The following PPFIA4 variants were observed in gnomAD, a reference collection of about 807,000 sequenced individuals.
PPFIA4 encodes the protein liprin-alpha-4.
A neutral mutation model predicts 145.7 loss-of-function variants in PPFIA4; 98 were observed. The observed-to-expected ratio is 0.67, with a 90% CI of 0.57 to 0.80. PPFIA4 has a LOEUF of 0.80. PPFIA4 is among the 30% of genes least tolerant of loss of function. The pLI is 0.00. For synonymous variants in PPFIA4, 628 were observed against 649.6 expected, an observed-to-expected ratio of 0.97 and a Z score of 0.51; for missense variants, 1,457 against 1,632.7, an observed-to-expected ratio of 0.89 and a Z score of 1.85.
Position 203,051,793 on chromosome 1 carries a change from C to T in PPFIA4, c.1536C>T (p.Asp512=), listed in dbSNP as rs575104032. The T allele has an allele frequency of 3.3e-5, 53 of 1,613,490 alleles. No homozygotes were observed. The highest frequency in any genetic ancestry group is 1.8e-4 in the South Asian group (16 of 90,880). The part of the protein sequence containing the change: ...HSRSHMGSAA[D]VRFSLGTTTH... ...GGTCGCACATGGGCAGTGCAGCAGA[C>T]GTGCGGTTCTCCCTGGGCACAACCA... Residue 512 remains aspartate (D), a synonymous_variant, in exon 14 of 30, where the codon GAC becomes GAT. Coordinates refer to ENST00000295706, the MANE Select transcript of PPFIA4 (RefSeq NM_001304331.2).
intron 13 of PPFIA4, among the ~76,000 whole-genome samples, chr1:203,050,928 A>C (rs771977560): frequency 6.6e-6 from 1 of 151,732 alleles, no homozygotes; most frequent in Admixed American, 6.6e-5. Context: ...CGACTATAGA[A>C]TCATTGGATT....
intron 1 of PPFIA4, chr1:203,034,930 C>T (rs879844849): frequency 1.7e-5 from 6 of 345,404 alleles, no homozygotes; most frequent in Admixed American, 4.0e-5. Flanking sequence ...GGTTACATGA[C>T]GTTGCATCTC....
At position 203,075,731 on chromosome 1, in the gene PPFIA4, C is replaced by T. The variant is rs775042522; in HGVS notation, c.3548C>T (p.Ala1183Val). 1 of 1,383,072 alleles carries T rather than the reference C, an allele frequency of 7.2e-7. No individual in the cohort carries two copies. The highest frequency in any genetic ancestry group is 9.4e-7 in the Non-Finnish European group (1 of 1,062,004). 85.7% of individuals were successfully genotyped at this position (1,383,072 alleles called of 1,614,324 possible). Residue 1183 changes from alanine (A) to valine (V), a missense_variant, in exon 29 of 30, where the codon GCC becomes GTC. Physicochemically the swap from Ala to Val is moderately conservative, Grantham distance 64. This residue lies in a region of PPFIA4 where 146 missense variants were observed against 126.2 expected (regional missense o/e 1.16). Coordinates refer to ENST00000295706, the MANE Select transcript of PPFIA4 (RefSeq NM_001304331.2). The surrounding 1 kb of genome is among the most constrained non-coding windows in gnomAD (Gnocchi z 4.1). ...CTGGGGACCCTGCAGCCCCCACCGG[C>T]CCCGCCAAAGAAGATCATGCCTGAA... ...STLGTLQPPPAPPKKIMPEAH... is the reference protein window; with the variant it reads ...STLGTLQPPPVPPKKIMPEAH...
In PPFIA4 at chr1:203,048,903, G is replaced by C. The variant is rs1227903487; in HGVS notation, c.1357-15G>C. ...GAGGAAGGCAGGGGCCTGGCTCACA[G>C]CTGCTCTCCCCCAGAACACGTTGAT... On this transcript the variant is annotated splice_polypyrimidine_tract_variant and intron_variant, in intron 11 of 29. Transcript: ENST00000295706. The surrounding 1 kb of genome is among the most constrained non-coding windows in gnomAD (Gnocchi z 5.8). 1 of 1,548,176 alleles carries C rather than the reference G, an allele frequency of 6.5e-7. No individual in the cohort carries two copies. The highest frequency in any genetic ancestry group is 2.0e-5 in the Admixed American group (1 of 50,954).
intron 1 of PPFIA4, chr1:203,035,311 G>T (rs1159562248): frequency 2.2e-6 from 1 of 456,588 alleles, no homozygotes; most frequent in Non-Finnish European, 4.4e-6. Context: ...CCGTGGCCAG[G>T]CCTGCCATCT....
chr1:203,056,028 T>C (rs1386175710), intron 16 of PPFIA4, 92 bp from the exon 17 acceptor site: 15 of 1,316,946 alleles, frequency 1.1e-5, no homozygotes, highest in Admixed American at 8.3e-5. Flanking sequence ...CTGAATCCTA[T>C]CTTCTCATCC....
chr1:203,035,853 T>G (rs1571662482), intron 1 of PPFIA4, among the ~76,000 whole-genome samples: 1 of 6,568 alleles, frequency 1.5e-4, no homozygotes, highest in South Asian at 0.5. Flanking sequence ...CAGGGGCATC[T>G]TGCCTGGCAG....
intron 2 of PPFIA4, among the ~76,000 whole-genome samples, chr1:203,040,243 C>T (rs1420079799): frequency 6.6e-6 from 1 of 152,194 alleles, no homozygotes; most frequent in Non-Finnish European, 1.5e-5. Context: ...CTCTCTGCCC[C>T]TCGTATGAGC....
rs113337841 is a variant in PPFIA4 at position 203,056,186 on chromosome 1, C to T, written c.2106+31C>T. The T allele has an allele frequency of 7.8e-3, 12,538 of 1,613,610 alleles. 73 individuals carry two copies. Among genetic ancestry groups the T allele is most frequent in the Middle Eastern group, 0.022 (134 of 6,060 alleles). ...TGCTGCCTGATGGCCCAGGTACTAACGGGTTCACTGCTCCCATGCCCTTTC... is the reference window on the plus strand; with the variant it reads ...TGCTGCCTGATGGCCCAGGTACTAATGGGTTCACTGCTCCCATGCCCTTTC... On this transcript the variant is annotated intron_variant, in intron 17 of 29. Transcript: ENST00000295706.
rs1180408392 is a variant in PPFIA4, at chr1:203,048,745, A to C, written c.1356+31A>C. 1 of 963,004 alleles carries C rather than the reference A, an allele frequency of 1.0e-6. No individual in the cohort carries two copies. Among genetic ancestry groups the C allele is most frequent in the South Asian group, 1.7e-5 (1 of 60,330 alleles). The allele number at this position is 963,004 out of a possible 1,614,324, so 59.7% of individuals were successfully genotyped here. The stretch of plus-strand genomic sequence containing the variant: ...CAGAGGGGCGGGGTTGGGATGCGAG[A>C]GGTTAGTGCTGGGTGTGGGGCGGGG... On this transcript the variant is annotated intron_variant, in intron 11 of 29. Transcript: ENST00000295706. The surrounding 1 kb of genome is among the most constrained non-coding windows in gnomAD (Gnocchi z 5.8).
chr1:203,026,828 G>A (rs1658428422), intron 1 of PPFIA4, among the ~76,000 whole-genome samples, 199 bp downstream of exon 1: 1 of 152,212 alleles, frequency 6.6e-6, no homozygotes, highest in African/African-American at 2.4e-5. Flanking sequence ...TGTGCCCTTG[G>A]GGGTGAGGAT....
At position 203,063,874 on chromosome 1, in the gene PPFIA4, G is replaced by A; in HGVS notation, c.2921G>A (p.Trp974Ter). ...DMNHEWIGNE[W>*]LPSLGLPQYR... ...AACCATGAGTGGATTGGGAATGAAT[G>A]GCTACCCAGCCTGGGGCTCCCGCAG... The change falls in exon 25 of 30, where the codon TGG (tryptophan) becomes TAG (stop). Residue 974 changes from tryptophan (W) to a stop codon, truncating the protein, a stop_gained. Coordinates refer to ENST00000295706, the MANE Select transcript of PPFIA4 (RefSeq NM_001304331.2). LOFTEE classifies it high-confidence loss of function. The A allele has an allele frequency of 6.2e-7, 1 of 1,614,066 alleles. No homozygotes were observed. Among genetic ancestry groups the A allele is most frequent in the South Asian group, 1.1e-5 (1 of 91,082 alleles).
rs994916516 is a variant in PPFIA4 at position 203,044,393 on chromosome 1, C to T, written c.516C>T (p.Leu172=). ...KALDEKVRER[L]RAALERVTTL... ...ACCTCGAGCAGGTGCGAGAGCGGCT[C>T]CGGGCAGCGCTGGAGCGAGTCACCA... Residue 172 remains leucine (L), a synonymous_variant, in exon 5 of 30, where the codon CTC becomes CTT. Transcript: ENST00000295706. 1 of 1,552,046 alleles carries T rather than the reference C, an allele frequency of 6.4e-7. No individual in the cohort carries two copies. Among genetic ancestry groups the T allele is most frequent in the African/African-American group, 1.4e-5 (1 of 73,078 alleles).
chr1:203,076,005 G>T, intron 29 of PPFIA4: 1 of 546,294 alleles, frequency 1.8e-6, no homozygotes, highest in Non-Finnish European at 3.1e-6. Context: ...AGACCTCCAC[G>T]GTTCGGACCT....
In PPFIA4 at chr1:203,076,338, C is replaced by T. The variant is rs370367628; in HGVS notation, c.3575-3C>T. 11 of 1,604,928 alleles carry T rather than the reference C, an allele frequency of 6.9e-6. No homozygotes were observed. In the African/African-American group the frequency reaches 1.5e-4, roughly 21 times the overall value. On this transcript the variant is annotated splice_polypyrimidine_tract_variant and splice_region_variant and intron_variant, in intron 29 of 29. Coordinates refer to ENST00000295706, the MANE Select transcript of PPFIA4 (RefSeq NM_001304331.2). ...GCGATGCCTGTCTCTCTCTCTCCCT[C>T]AGCTCACTCCCACTATCTCTACGGA...
intron 1 of PPFIA4, among the ~76,000 whole-genome samples, chr1:203,030,047 A>T (rs1483167119): frequency 6.6e-6 from 1 of 152,210 alleles, no homozygotes; most frequent in East Asian, 1.9e-4. Flanking sequence ...ATGTGCCTTC[A>T]TGGCCACTGT....
chr1:203,034,553 G>C (rs1443030116), intron 1 of PPFIA4: 1 of 456,440 alleles, frequency 2.2e-6, no homozygotes, highest in Admixed American at 2.4e-5. Context: ...GGAGTGGGGG[G>C]CAGTGGGGGG....
rs764840526 is a variant in PPFIA4 at position 203,048,223 on chromosome 1, C to G, written c.1141-4C>G. On this transcript the variant is annotated splice_polypyrimidine_tract_variant and splice_region_variant and intron_variant, in intron 9 of 29. Transcript: ENST00000295706. This position sits in a 1 kb window ranked among gnomAD's most constrained non-coding sequence, Gnocchi z 5.8. Reference sequence around the variant, plus strand: ...GGGCTGCACCGACCCATCCCTGCCCCTAGGCTGAAGAACGGCATGGCAACA... The same window carrying G: ...GGGCTGCACCGACCCATCCCTGCCCGTAGGCTGAAGAACGGCATGGCAACA... The G allele has an allele frequency of 6.2e-7, 1 of 1,612,620 alleles. No individual in the cohort carries two copies. The highest frequency in any genetic ancestry group is 8.5e-7 in the Non-Finnish European group (1 of 1,179,842).
rs1426825551 is a variant in PPFIA4 at position 203,055,467 on chromosome 1, G to C, written c.1865G>C (p.Arg622Pro). 2.5e-6 allele frequency: 4 copies of C among 1,613,980 alleles called. No homozygotes were observed. The East Asian group carries it at 6.7e-5, about 27-fold the overall frequency. Residue 622 changes from arginine to proline, a missense_variant, in exon 16 of 30, where the codon CGC becomes CCC. Transcript: ENST00000295706. The surrounding 1 kb of genome is among the most constrained non-coding windows in gnomAD (Gnocchi z 4.8). ...IQEEKESTEL[R>P]AEEIETRVTS... is the part of the protein sequence containing the mutation. ...GAAGAGAAGGAGTCCACGGAGCTCC[G>C]CGCGGAGGAGATTGAGACGCGTGTA...
Sources: gnomAD v4.1 joint callset for allele counts (sites outside exome capture counted in the v4.1 genomes callset) on GRCh38, gnomAD v4.1.1 for gene constraint, gnomAD v4.1.1 regional missense constraint, Gnocchi (gnomAD v3.1) non-coding constraint, MANE v1.5 for transcripts, NCBI Gene and HGNC (gene_info 2026-07-23, HGNC 2026-07-21) for gene names.